The following CACNA1E variants were observed in gnomAD, a reference collection of about 807,000 sequenced individuals.
CACNA1E encodes calcium voltage-gated channel subunit alpha1 E.
CACNA1E carries 40 observed loss-of-function variants against 259.2 expected under a neutral mutation model. The ratio of observed to expected loss-of-function variants is 0.15; its 90% CI spans 0.12 to 0.20. CACNA1E has a LOEUF of 0.20. Among genes scored for constraint, CACNA1E ranks in the 10% least tolerant of loss-of-function variants. The probability of loss-of-function intolerance (pLI) is 1.00; values close to 1 mark genes in which losing one functional copy is unlikely to be tolerated. For synonymous variants in CACNA1E, 1,104 were observed against 1,138.5 expected (o/e 0.97, Z 0.61); for missense variants, 1,874 against 3,040.1 (o/e 0.62, Z 9.02).
At chr1:181,750,851 G>A (rs529920893) in intron 26 of CACNA1E, among the ~76,000 whole-genome samples, 12 of 152,162 alleles carry the variant, frequency 7.9e-5, no homozygotes, top group Non-Finnish European at 1.6e-4. Flanking sequence ...GTAGGTCATG[G>A]CCTATAATCA....
At chr1:181,481,335 TACACACACACACACAC>T (rs113766656), upstream of CACNA1E, among the ~76,000 whole-genome samples, 11 of 145,398 alleles carry the variant, frequency 7.6e-5, no homozygotes, top group Non-Finnish European at 1.4e-4. Context: ...AGAATTTTCC[TACACACACACACACAC>T]ACACACACAC....
chr1:181,636,599 G>T (rs2101973443), intron 6 of CACNA1E, among the ~76,000 whole-genome samples: 1 of 152,302 alleles, frequency 6.6e-6, no homozygotes, highest in African/African-American at 2.4e-5. Context: ...ACTCCTTGGA[G>T]CACCAGTCAG....
upstream of CACNA1E, among the ~76,000 whole-genome samples, chr1:181,481,630 G>C (rs552459729): frequency 6.6e-6 from 1 of 152,154 alleles, no homozygotes; most frequent in Non-Finnish European, 1.5e-5. Context: ...GATTTGGAGA[G>C]GCCTATGTGT....
Position 181,544,352 on chromosome 1 carries a change from A to G in CACNA1E, c.512+32842A>G, listed in dbSNP as rs1572159299. On this transcript the variant is annotated intron_variant, in intron 3 of 47. Transcript: ENST00000367573. Reference sequence around the variant, plus strand: ...TTGGAGTTTTTTTGGAGCGTTGAAAATGTCCTAAAATTAGATAGTGGTGAT... The same window carrying G: ...TTGGAGTTTTTTTGGAGCGTTGAAAGTGTCCTAAAATTAGATAGTGGTGAT... Among the ~76,000 whole-genome samples the G allele has an allele frequency of 2.0e-5, 3 of 152,068 alleles. No individual in the cohort carries two copies. The East Asian group carries it at 5.8e-4, about 29-fold the overall frequency.
Position 181,551,243 on chromosome 1 carries a change from A to T in CACNA1E, c.513-26523A>T, listed in dbSNP as rs79716758. On this transcript the variant is annotated intron_variant, in intron 3 of 47. Coordinates refer to ENST00000367573, the MANE Select transcript of CACNA1E (RefSeq NM_001205293.3). Reference sequence around the variant, plus strand: ...CTCCCTCTCTGGTCCTCCCACCTGCATCCCCTTAGGGCCCACTACTTTGGG... The same window carrying T: ...CTCCCTCTCTGGTCCTCCCACCTGCTTCCCCTTAGGGCCCACTACTTTGGG... Among the ~76,000 whole-genome samples the T allele has an allele frequency of 6.5e-3, 985 of 152,316 alleles. 14 individuals are homozygous for T. Among genetic ancestry groups the T allele is most frequent in the African/African-American group, 0.023 (944 of 41,578 alleles).
intron 18 of CACNA1E, among the ~76,000 whole-genome samples, chr1:181,728,733 ATGCTCAGGTGTGTGTGCATTT>A (rs1655158616): frequency 7.3e-6 from 1 of 137,774 alleles, no homozygotes; most frequent in Admixed American, 7.1e-5. Context: ...TATGTGTACA[ATGCTCAGGTGTGTGTGCATTT>A]TGCTCGGGTG....
chr1:181,519,256 C>T (rs1446452830), intron 3 of CACNA1E, among the ~76,000 whole-genome samples: 2 of 152,166 alleles, frequency 1.3e-5, no homozygotes, highest in African/African-American at 4.8e-5. Flanking sequence ...ATGTCTCCTC[C>T]TTTGGGTAGA....
At chr1:181,398,355 C>G (rs1656844363) in intron 1 of CACNA1E, among the ~76,000 whole-genome samples, 1 of 152,210 alleles carries the variant, frequency 6.6e-6, no homozygotes, top group South Asian at 2.1e-4. Flanking sequence ...AGATTAAGAT[C>G]ACATCAATTT....
intron 1 of CACNA1E, among the ~76,000 whole-genome samples, chr1:181,392,883 A>G (rs6704351): frequency 0.021 from 3,163 of 152,298 alleles, 122 homozygotes; most frequent in African/African-American, 0.07. Flanking sequence ...ATTGTGTGAT[A>G]TTGGCAATTT....
chr1:181,373,601 A>C (rs1410939383), intron 1 of CACNA1E, among the ~76,000 whole-genome samples: 1 of 146,610 alleles, frequency 6.8e-6, no homozygotes, highest in Admixed American at 6.9e-5. Context: ...GCAGTGGCGC[A>C]ATCTCGGCTC....
intron 3 of CACNA1E, among the ~76,000 whole-genome samples, chr1:181,556,689 A>G (rs916246277): frequency 2.0e-5 from 3 of 152,236 alleles, no homozygotes; most frequent in Non-Finnish European, 4.4e-5. Context: ...CTCAGACCAC[A>G]TTTTGGGGCT....
At chr1:181,436,072 TTTCTCA>T (rs1160910017) in intron 2 of CACNA1E, among the ~76,000 whole-genome samples, 4 of 152,160 alleles carry the variant, frequency 2.6e-5, no homozygotes, top group African/African-American at 9.7e-5. Flanking sequence ...TGAACAGACA[TTTCTCA>T]AAAGAAGACA....
At chr1:181,725,725 G>C (rs575519854) in intron 17 of CACNA1E, among the ~76,000 whole-genome samples, 1 of 152,334 alleles carries the variant, frequency 6.6e-6, no homozygotes, top group African/African-American at 2.4e-5. Flanking sequence ...GGAAGTGTCA[G>C]CTCCTGCCAC....
intron 7 of CACNA1E, among the ~76,000 whole-genome samples, chr1:181,698,068 TCTC>T: frequency 1.3e-5 from 2 of 152,282 alleles, no homozygotes; most frequent in South Asian, 4.1e-4. Flanking sequence ...AAAAATGTCT[TCTC>T]CTGAAGGTGG....
At chr1:181,537,519 T>C (rs1420778290) in intron 3 of CACNA1E, among the ~76,000 whole-genome samples, 3 of 152,238 alleles carry the variant, frequency 2.0e-5, no homozygotes, top group Admixed American at 1.3e-4. Flanking sequence ...ACTGTATGTA[T>C]ATAGAAAATG....
intron 6 of CACNA1E, among the ~76,000 whole-genome samples, chr1:181,640,501 A>G (rs569082357): frequency 2.4e-4 from 37 of 152,344 alleles, no homozygotes; most frequent in African/African-American, 8.7e-4. Flanking sequence ...TTCTTCAGGA[A>G]ACCAGTGGGG....
intron 7 of CACNA1E, among the ~76,000 whole-genome samples, chr1:181,676,149 A>G (rs533727582): frequency 1.8e-4 from 27 of 152,360 alleles, no homozygotes; most frequent in Middle Eastern, 3.4e-3. Flanking sequence ...CGAGGCTTAT[A>G]CAAAAGAAGG....
intron 7 of CACNA1E, among the ~76,000 whole-genome samples, chr1:181,676,608 AG>A (rs1362077175): frequency 6.6e-6 from 1 of 152,166 alleles, no homozygotes. Context: ...TTCCAGCTGA[AG>A]CATGAAGCCC....
intron 1 of CACNA1E, among the ~76,000 whole-genome samples, chr1:181,339,830 A>G (rs1652011171): frequency 1.3e-5 from 2 of 152,110 alleles, no homozygotes; most frequent in Admixed American, 1.3e-4. Flanking sequence ...TAATTTGTAG[A>G]CTATTTTGTA....
Sources: gnomAD v4.1 joint callset for allele counts (sites outside exome capture counted in the v4.1 genomes callset) on GRCh38, gnomAD v4.1.1 for gene constraint, MANE v1.5 for transcripts, NCBI Gene and HGNC (gene_info 2026-07-23, HGNC 2026-07-21) for gene names.